Variants in SLCO3A1 observed in about 807,000 individuals in gnomAD.
The protein encoded by SLCO3A1 is PGE1 transporter.
A neutral mutation model predicts 63.1 loss-of-function variants in SLCO3A1; 27 were observed. That is an observed-to-expected ratio of 0.43 (90% CI 0.32 to 0.59). SLCO3A1 has a LOEUF of 0.59. Among genes scored for constraint, SLCO3A1 ranks in the 20% least tolerant of loss-of-function variants. The probability of loss-of-function intolerance (pLI) is 0.09; values close to 1 mark genes in which losing one functional copy is unlikely to be tolerated. For synonymous variants in SLCO3A1, 473 were observed against 409.9 expected (o/e 1.15, Z -1.86); for missense variants, 773 against 945.8 (o/e 0.82, Z 2.40).
At chr15:91,937,158 A>C (rs1016194330) in intron 2 of SLCO3A1, among the ~76,000 whole-genome samples, 1 of 152,192 alleles carries the variant, frequency 6.6e-6, no homozygotes, top group Non-Finnish European at 1.5e-5. Flanking sequence ...ACGATGTAAA[A>C]GGAAACCACC....
Position 91,916,119 on chromosome 15 carries a change from G to C in SLCO3A1, c.307G>C (p.Gly103Arg). The change falls in exon 2 of 10, where the codon GGG (glycine) becomes CGG (arginine). Residue 103 changes from glycine (G) to arginine (R), a missense_variant. Physicochemically the swap from Gly to Arg is moderately radical, Grantham distance 125. Coordinates refer to ENST00000318445, the MANE Select transcript of SLCO3A1 (RefSeq NM_013272.4). This position sits in a 1 kb window ranked among gnomAD's most constrained non-coding sequence, Gnocchi z 6.2. ...CTTCGTGAGCTACTTCGGGGCACGCGGGCACCGGCCGCGCCTGATCGGCTG... is the reference window on the plus strand; with the variant it reads ...CTTCGTGAGCTACTTCGGGGCACGCCGGCACCGGCCGCGCCTGATCGGCTG... ...ILFVSYFGAR[G>R]HRPRLIGCGG... 1 of 1,611,190 alleles carries C rather than the reference G, an allele frequency of 6.2e-7. No homozygotes were observed. Among genetic ancestry groups the C allele is most frequent in the African/African-American group, 1.3e-5 (1 of 75,040 alleles).
intron 9 of SLCO3A1, chr15:92,162,342 G>T (rs1287088140): frequency 1.2e-5 from 2 of 167,198 alleles, no homozygotes; most frequent in Admixed American, 6.0e-5. Context: ...TAGAGACGGG[G>T]TTTCACCATG....
Position 92,104,334 on chromosome 15 carries a change from C to T in SLCO3A1, c.801C>T (p.Gly267=), listed in dbSNP as rs752304594. ...DPRWIGAWWG[G]FLLCGALLFF... ...GCTGGATCGGAGCCTGGTGGGGTGG[C>T]TTTCTGCTCTGCGGTGCCTTACTCT... The change falls in exon 4 of 10, where the codon GGC becomes GGT. Residue 267 remains glycine (G), a synonymous_variant. Coordinates refer to ENST00000318445, the MANE Select transcript of SLCO3A1 (RefSeq NM_013272.4). 6.2e-7 allele frequency: 1 copy of T among 1,614,212 alleles called. No homozygotes were observed. The highest frequency in any genetic ancestry group is 1.3e-5 in the African/African-American group (1 of 75,058).
intron 2 of SLCO3A1, among the ~76,000 whole-genome samples, chr15:91,928,134 C>T (rs1418998838): frequency 1.3e-5 from 2 of 152,192 alleles, no homozygotes; most frequent in African/African-American, 4.8e-5. Context: ...GTGTTTAATA[C>T]TAGGATTCAT....
intron 2 of SLCO3A1, among the ~76,000 whole-genome samples, chr15:92,013,783 C>T (rs780621663): frequency 6.6e-6 from 1 of 152,090 alleles, no homozygotes; most frequent in Non-Finnish European, 1.5e-5. Context: ...TGAGTCAGAC[C>T]TGTGGGGTTT....
In SLCO3A1 at chr15:91,885,539, C is replaced by T. The variant is rs969955298; in HGVS notation, c.181-30454C>T. Reference sequence around the variant, plus strand: ...CCCTTTGCTGCTGGGCAGCGGGGCCCAAGATCCTCACAGTCTTTTAGGGAT... The same window carrying T: ...CCCTTTGCTGCTGGGCAGCGGGGCCTAAGATCCTCACAGTCTTTTAGGGAT... On this transcript the variant is annotated intron_variant, in intron 1 of 9. Transcript: ENST00000318445. This position sits in a 1 kb window ranked among gnomAD's most constrained non-coding sequence, Gnocchi z 4.7. 6.0e-5 allele frequency among the ~76,000 whole-genome samples: 9 copies of T among 151,176 alleles called. No homozygotes were observed. Among genetic ancestry groups the T allele is most frequent in the Non-Finnish European group, 1.2e-4 (8 of 67,300 alleles).
At chr15:92,079,458 C>T (rs151006526) in intron 2 of SLCO3A1, among the ~76,000 whole-genome samples, 116 of 152,348 alleles carry the variant, frequency 7.6e-4, no homozygotes, top group African/African-American at 2.7e-3. Flanking sequence ...GGCCAGCAGA[C>T]GGCCAGCTTC....
chr15:92,035,048 A>G (rs1254652184), intron 2 of SLCO3A1, among the ~76,000 whole-genome samples: 1 of 151,862 alleles, frequency 6.6e-6, no homozygotes, highest in Non-Finnish European at 1.5e-5. Flanking sequence ...GCAGGGCAGG[A>G]TGGAGAATCC....
intron 1 of SLCO3A1, among the ~76,000 whole-genome samples, chr15:91,898,659 A>C (rs946516710): frequency 3.3e-5 from 5 of 152,174 alleles, no homozygotes; most frequent in African/African-American, 1.2e-4. Context: ...GTGAGACTCC[A>C]GAGCATGCAT....
At position 91,900,239 on chromosome 15, in the gene SLCO3A1, T is replaced by C. The variant is rs1320041266; in HGVS notation, c.181-15754T>C. Among the ~76,000 whole-genome samples, 1 of 152,244 alleles carries C rather than the reference T, an allele frequency of 6.6e-6. No individual in the cohort carries two copies. Among genetic ancestry groups the C allele is most frequent in the Non-Finnish European group, 1.5e-5 (1 of 68,040 alleles). Reference sequence around the variant, plus strand: ...GTTCAACTGCTTTTCAAAGTGGCTATAACCATTTTATCTTTTATGTTCCCA... The same window carrying C: ...GTTCAACTGCTTTTCAAAGTGGCTACAACCATTTTATCTTTTATGTTCCCA... On this transcript the variant is annotated intron_variant, in intron 1 of 9. Coordinates refer to ENST00000318445, the MANE Select transcript of SLCO3A1 (RefSeq NM_013272.4). This position sits in a 1 kb window ranked among gnomAD's most constrained non-coding sequence, Gnocchi z 4.3.
At chr15:91,932,344 C>T (rs191489347) in intron 2 of SLCO3A1, among the ~76,000 whole-genome samples, 1 of 152,224 alleles carries the variant, frequency 6.6e-6, no homozygotes, top group Admixed American at 6.5e-5. Flanking sequence ...GCCCATTTTC[C>T]AGTAATTATC....
At chr15:92,074,782 G>C (rs779617146) in intron 2 of SLCO3A1, among the ~76,000 whole-genome samples, 822 of 23,300 alleles carry the variant, frequency 0.035, 1 homozygote, top group Non-Finnish European at 0.061. Flanking sequence ...GCAGGGCGGT[G>C]GGGGGTGGCC....
intron 2 of SLCO3A1, among the ~76,000 whole-genome samples, chr15:92,088,657 C>T (rs2047434541): frequency 6.6e-6 from 1 of 152,170 alleles, no homozygotes; most frequent in African/African-American, 2.4e-5. Context: ...TTGCCTTCTC[C>T]AGCTTCTATA....
chr15:92,148,923 TATA>T (rs2048267502), intron 8 of SLCO3A1: 1 of 152,200 alleles, frequency 6.6e-6, no homozygotes, highest in Non-Finnish European at 1.5e-5. Flanking sequence ...AGAAGATGAT[TATA>T]ATATGCATTT....
At chr15:91,974,717 G>C (rs1260551827) in intron 2 of SLCO3A1, among the ~76,000 whole-genome samples, 1 of 152,138 alleles carries the variant, frequency 6.6e-6, no homozygotes, top group Non-Finnish European at 1.5e-5. Flanking sequence ...AAATCTCTCC[G>C]AAAGAGGAAA....
At chr15:91,937,879 C>T (rs1168036999) in intron 2 of SLCO3A1, among the ~76,000 whole-genome samples, 2 of 152,090 alleles carry the variant, frequency 1.3e-5, no homozygotes, top group African/African-American at 2.4e-5. Flanking sequence ...TGCAGTCTTG[C>T]ATAATTGACT....
Position 91,880,399 on chromosome 15 carries a change from C to CTGTGTGTGTGTGTGTGTG in SLCO3A1, c.180+26312_180+26313insGTGTGTGTGTGTGTGTGT, listed in dbSNP as rs1158728794. Reference sequence around the variant, plus strand: ...CTCGTGCTTCTCTCTCTCTCTCTCTCTCTCTCTCTCTGTGTGTGTGTGTGT... The same window carrying CTGTGTGTGTGTGTGTGTG: ...CTCGTGCTTCTCTCTCTCTCTCTCTCTGTGTGTGTGTGTGTGTGTCTCTCTCTCTGTGTGTGTGTGTGT... On this transcript the variant is annotated intron_variant, in intron 1 of 9. Coordinates refer to ENST00000318445, the MANE Select transcript of SLCO3A1 (RefSeq NM_013272.4). Among the ~76,000 whole-genome samples, 136 of 114,498 alleles carry CTGTGTGTGTGTGTGTGTG rather than the reference C, an allele frequency of 1.2e-3. 2 individuals carry two copies. In the South Asian group the frequency reaches 0.014, roughly 12 times the overall value. The allele number at this position is 114,498 out of a possible 152,430, so 75.1% of individuals were successfully genotyped here.
downstream of SLCO3A1, among the ~76,000 whole-genome samples, chr15:92,170,464 C>A (rs2048515399): frequency 6.6e-6 from 1 of 152,166 alleles, no homozygotes; most frequent in African/African-American, 2.4e-5. Context: ...AAAACTAAAG[C>A]TCAGCAAATC....
intron 2 of SLCO3A1, among the ~76,000 whole-genome samples, chr15:92,055,564 C>T (rs35319070): frequency 0.13 from 19,234 of 152,064 alleles, 1,412 homozygotes; most frequent in East Asian, 0.26. Context: ...GAGTATTCCA[C>T]GTCGTGGTTG....
Sources: gnomAD v4.1 joint callset for allele counts (sites outside exome capture counted in the v4.1 genomes callset) on GRCh38, gnomAD v4.1.1 for gene constraint, Gnocchi (gnomAD v3.1) non-coding constraint, MANE v1.5 for transcripts, NCBI Gene and HGNC (gene_info 2026-07-23, HGNC 2026-07-21) for gene names.